Variants in CYREN observed in about 807,000 individuals in gnomAD.
CYREN encodes the protein cell cycle regulator of NHEJ.
Under a neutral mutation model 9.7 loss-of-function variants are expected in CYREN, and 7 were observed. The ratio of observed to expected loss-of-function variants is 0.72; its 90% CI spans 0.41 to 1.36. The LOEUF is 1.36. Ranked by LOEUF, CYREN falls within the 40% of genes most tolerant of loss-of-function variation. The pLI, the probability that CYREN is intolerant of heterozygous loss-of-function variation, is 0.01. For synonymous variants in CYREN, 76 were observed against 77.9 expected, an observed-to-expected ratio of 0.98 and a Z score of 0.13; for missense variants, 215 against 198.1, an observed-to-expected ratio of 1.09 and a Z score of -0.51.
chr7:135,113,950 G>C (rs1281190028), intron 2 of CYREN, among the ~76,000 whole-genome samples: 2 of 152,126 alleles, frequency 1.3e-5, no homozygotes, highest in African/African-American at 4.8e-5. Flanking sequence ...TGACAAATGT[G>C]ATATTTGTCT....
intron 2 of CYREN, among the ~76,000 whole-genome samples, chr7:135,160,256 G>T (rs1157609994): frequency 6.6e-6 from 1 of 152,166 alleles, no homozygotes; most frequent in Non-Finnish European, 1.5e-5. Context: ...CCTACAATCA[G>T]CATGTGTTAT....
chr7:135,171,442 G>A (rs531585137), upstream of CYREN, among the ~76,000 whole-genome samples: 10 of 152,122 alleles, frequency 6.6e-5, no homozygotes, highest in African/African-American at 2.4e-4. Context: ...CTTAGAAACC[G>A]ATGTTATTCA....
chr7:135,123,629 A>C lies in CYREN; in HGVS notation n.357-29047T>G, dbSNP rs145592431. ...GGTCAAAATGAAGGAAAAAATGTTA[A>C]GGGCAGCCAGAGAGAAAGGCCAGGT... On this transcript the variant is annotated intron_variant and non_coding_transcript_variant, in intron 2 of 2. Transcript: ENST00000459937. Among the ~76,000 whole-genome samples the C allele has an allele frequency of 2.6e-4, 40 of 152,316 alleles. No individual in the cohort carries two copies. In the East Asian group the frequency reaches 7.3e-3, roughly 28 times the overall value.
chr7:135,171,330 A>ATT (rs1223528156), upstream of CYREN, among the ~76,000 whole-genome samples: 520 of 100,806 alleles, frequency 5.2e-3, 3 homozygotes, highest in East Asian at 0.047. Flanking sequence ...TTTTTTTAAA[A>ATT]AAAAAAGGAA....
chr7:135,132,639 AAC>A (rs966881569), intron 2 of CYREN, among the ~76,000 whole-genome samples: 1 of 152,170 alleles, frequency 6.6e-6, no homozygotes, highest in African/African-American at 2.4e-5. Context: ...GAATCACGGG[AAC>A]AGTTTCCCCA....
rs1178762295 is a variant in CYREN at position 135,151,789 on chromosome 7, T to C, written n.356+16960A>G. ...TGTAACTTGCCCAAGGTCATATGAC[T>C]AGTGAGTGACAGAACGACGACATGC... is the stretch of plus-strand genomic sequence containing the variant. On this transcript the variant is annotated intron_variant and non_coding_transcript_variant, in intron 2 of 2. Transcript: ENST00000459937. This position sits in a 1 kb window ranked among gnomAD's most constrained non-coding sequence, Gnocchi z 4.3. Among the ~76,000 whole-genome samples, 2 of 152,182 alleles carry C rather than the reference T, an allele frequency of 1.3e-5. No individual in the cohort carries two copies. Among genetic ancestry groups the C allele is most frequent in the African/African-American group, 4.8e-5 (2 of 41,438 alleles).
intron 2 of CYREN, among the ~76,000 whole-genome samples, chr7:135,096,602 TAG>T (rs1822839439): frequency 2.4e-5 from 3 of 125,766 alleles, no homozygotes; most frequent in African/African-American, 8.6e-5. Flanking sequence ...GATAGATAGA[TAG>T]ATAGATAGAT....
At chr7:135,107,838 G>T (rs1824979787) in intron 2 of CYREN, among the ~76,000 whole-genome samples, 1 of 152,086 alleles carries the variant, frequency 6.6e-6, no homozygotes, top group Non-Finnish European at 1.5e-5. Context: ...ATTTTGTGTG[G>T]GAATCTAAGT....
At chr7:135,163,075 G>A (rs1000523240), downstream of CYREN, among the ~76,000 whole-genome samples, 15 of 152,180 alleles carry the variant, frequency 9.9e-5, no homozygotes, top group Non-Finnish European at 1.9e-4. Context: ...TTCACACAGC[G>A]TCTTCACTTA....
At chr7:135,110,276 A>C (rs1299859465) in intron 2 of CYREN, among the ~76,000 whole-genome samples, 2 of 152,168 alleles carry the variant, frequency 1.3e-5, no homozygotes, top group East Asian at 1.9e-4. Flanking sequence ...CAGGATCTGC[A>C]GACGGTCACT....
intron 2 of CYREN, among the ~76,000 whole-genome samples, chr7:135,157,436 C>A (rs1219617945): frequency 6.6e-6 from 1 of 152,228 alleles, no homozygotes. Context: ...AACTGAGCAG[C>A]CTTTGGACCC....
At chr7:135,148,280 G>A (rs1054343472) in intron 2 of CYREN, 5 of 359,292 alleles carry the variant, frequency 1.4e-5, no homozygotes, top group South Asian at 2.1e-5. Flanking sequence ...TGTAAGTACC[G>A]ATCCTGCAAG....
rs959203204 is a variant in CYREN at position 135,115,494 on chromosome 7, T to G, written n.357-20912A>C. On this transcript the variant is annotated intron_variant and non_coding_transcript_variant, in intron 2 of 2. Transcript: ENST00000459937. ...AGAAGCTACAAGGATAAAGGAATAG[T>G]TCAAACTCAAGAAATATTGCAGTAT... is the stretch of plus-strand genomic sequence containing the variant. 14 of 1,551,244 alleles carry G rather than the reference T, an allele frequency of 9.0e-6. No individual in the cohort carries two copies. The African/African-American group carries it at 1.9e-4, about 21-fold the overall frequency.
rs1828445825 is a variant in CYREN at position 135,129,620 on chromosome 7, A to G, written n.357-35038T>C. On this transcript the variant is annotated intron_variant and non_coding_transcript_variant, in intron 2 of 2. Coordinates refer to the CYREN transcript ENST00000459937. ...ACAAACATTTCACTGATCCTGCTTCAACATGTCTTAAACAGCTGTTTTATG... is the reference window on the plus strand; with the variant it reads ...ACAAACATTTCACTGATCCTGCTTCGACATGTCTTAAACAGCTGTTTTATG... 5 of 776,772 alleles carry G rather than the reference A, an allele frequency of 6.4e-6. No homozygotes were observed. The South Asian group carries it at 6.7e-5, about 10-fold the overall frequency. The allele number at this position is 776,772 out of a possible 1,614,324, so 48.1% of individuals were successfully genotyped here.
chr7:135,165,129 C>A, downstream of CYREN: 1 of 1,191,106 alleles, frequency 8.4e-7, no homozygotes, highest in South Asian at 1.7e-5. Flanking sequence ...GGAGGTGGGG[C>A]CCCTGTGTCA....
chr7:135,103,669 T>C (rs1253833958), intron 2 of CYREN, among the ~76,000 whole-genome samples: 1 of 152,230 alleles, frequency 6.6e-6, no homozygotes, highest in African/African-American at 2.4e-5. Context: ...AGGGGAATAA[T>C]AGATATCTGT....
intron 2 of CYREN, chr7:135,129,611 T>A: frequency 1.3e-6 from 1 of 775,506 alleles, no homozygotes; most frequent in Non-Finnish European, 2.4e-6. Flanking sequence ...ATTTCACTGA[T>A]CCTGCTTCAA....
At chr7:135,128,234 G>C (rs1054465940) in intron 2 of CYREN, among the ~76,000 whole-genome samples, 19 of 129,396 alleles carry the variant, frequency 1.5e-4, no homozygotes, top group African/African-American at 5.5e-4. Flanking sequence ...AGAGGTTGCA[G>C]TGAGCCGAGA....
chr7:135,130,076 G>A (rs559022810), intron 2 of CYREN, among the ~76,000 whole-genome samples: 3 of 152,130 alleles, frequency 2.0e-5, no homozygotes, highest in East Asian at 1.9e-4. Flanking sequence ...AAGACATTCT[G>A]TTGGAGTTCC....
Sources: gnomAD v4.1 joint callset for allele counts (sites outside exome capture counted in the v4.1 genomes callset) on GRCh38, gnomAD v4.1.1 for gene constraint, Gnocchi (gnomAD v3.1) non-coding constraint, MANE v1.5 for transcripts, NCBI Gene and HGNC (gene_info 2026-07-23, HGNC 2026-07-21) for gene names.